Variants in AP1M1 observed in about 807,000 individuals in gnomAD.
AP1M1 encodes the protein AP-1 complex subunit mu-1.
Under a neutral mutation model 57.1 loss-of-function variants are expected in AP1M1, and 18 were observed. That is an observed-to-expected ratio of 0.32 (90% confidence interval 0.22 to 0.47). The LOEUF (loss-of-function observed/expected upper bound fraction) is 0.47, where lower values mean the gene tolerates loss of function less well. Ranked by LOEUF, AP1M1 falls within the 20% of genes least tolerant of loss-of-function variation. The pLI, the probability that AP1M1 is intolerant of heterozygous loss-of-function variation, is 1.00. For missense variants in AP1M1, 362 were observed against 593.5 expected, an observed-to-expected ratio of 0.61 and a Z score of 4.05; for synonymous variants, 241 against 237.9, an observed-to-expected ratio of 1.01 and a Z score of -0.12.
chr19:16,202,116 G>A (rs1286473740), intron 1 of AP1M1, among the ~76,000 whole-genome samples: 1 of 152,172 alleles, frequency 6.6e-6, no homozygotes, highest in Non-Finnish European at 1.5e-5. Context: ...CAGTTCCACA[G>A]GCCACGAAGC....
chr19:16,232,172 C>T (rs1208839987), intron 9 of AP1M1, among the ~76,000 whole-genome samples: 1 of 152,240 alleles, frequency 6.6e-6, no homozygotes, highest in Non-Finnish European at 1.5e-5. Context: ...GCACCTTTCT[C>T]CCTTGTGATG....
chr19:16,205,903 T>A (rs1405786863), intron 2 of AP1M1, among the ~76,000 whole-genome samples: 1 of 152,186 alleles, frequency 6.6e-6, no homozygotes, highest in Non-Finnish European at 1.5e-5. Context: ...GAAGCCAGAA[T>A]TGGCCCTGGC....
intron 5 of AP1M1, among the ~76,000 whole-genome samples, chr19:16,215,202 GGGGGGGGGGAGA>G (rs1443755951): frequency 2.0e-4 from 3 of 15,060 alleles, no homozygotes; most frequent in Non-Finnish European, 1.1e-3. Flanking sequence ...GGCGGGGGCG[GGGGGGGGGGAGA>G]GGGGGGAGGG....
At chr19:16,215,214 AG>A (rs1262651842) in intron 5 of AP1M1, among the ~76,000 whole-genome samples, 509 of 2,562 alleles carry the variant, frequency 0.2, 38 homozygotes, top group African/African-American at 0.34. Flanking sequence ...GGGGGGGGAG[AG>A]GGGGGAGGGG....
At chr19:16,231,979 C>T (rs1410338130) in intron 9 of AP1M1, among the ~76,000 whole-genome samples, 3 of 152,238 alleles carry the variant, frequency 2.0e-5, no homozygotes, top group Non-Finnish European at 2.9e-5. Flanking sequence ...CACTGTCCAC[C>T]TGGATGGAGA....
intron 5 of AP1M1, among the ~76,000 whole-genome samples, chr19:16,219,501 G>A (rs538538538): frequency 4.0e-5 from 6 of 151,300 alleles, no homozygotes; most frequent in African/African-American, 1.2e-4. Flanking sequence ...GGGTTCAAGC[G>A]ATTCTCCTGC....
chr19:16,202,035 C>G (rs1156266816), intron 1 of AP1M1, among the ~76,000 whole-genome samples: 1 of 152,114 alleles, frequency 6.6e-6, no homozygotes, highest in East Asian at 1.9e-4. Context: ...GAGGAAGGAC[C>G]TGGGGGGTCA....
At position 16,207,722 on chromosome 19, in the gene AP1M1, G is replaced by A. The variant is rs1313071583; in HGVS notation, c.268-297G>A. 2.6e-5 allele frequency among the ~76,000 whole-genome samples: 4 copies of A among 152,084 alleles called. No homozygotes were observed. Among genetic ancestry groups the A allele is most frequent in the African/African-American group, 7.2e-5 (3 of 41,406 alleles). ...TCAGAAAGGGATGACAGTTACAGTC[G>A]CTCAGGAGGGGCTGCCTGTCTGCGG... On this transcript the variant is annotated intron_variant, in intron 3 of 11. Coordinates refer to ENST00000291439, the MANE Select transcript of AP1M1 (RefSeq NM_032493.4). This position sits in a 1 kb window ranked among gnomAD's most constrained non-coding sequence, Gnocchi z 4.2.
rs1568350995 is a variant in AP1M1 at position 16,215,194 on chromosome 19, C to CAGGGGCGGGGGGGGGGG, written c.546+6017_546+6018insAGGGGCGGGGGGGGGGG. 1.6e-3 allele frequency among the ~76,000 whole-genome samples: 3 copies of CAGGGGCGGGGGGGGGGG among 1,922 alleles called. 1 individual carries two copies. Among genetic ancestry groups the CAGGGGCGGGGGGGGGGG allele is most frequent in the Admixed American group, 4.6e-3 (1 of 218 alleles). The allele number at this position is 1,922 out of a possible 152,430, so 1.3% of individuals were successfully genotyped here. On this transcript the variant is annotated intron_variant, in intron 5 of 11. Coordinates refer to ENST00000291439, the MANE Select transcript of AP1M1 (RefSeq NM_032493.4). ...ATCCCAGCACTTTGGGAGGCTAAGG[C>CAGGGGCGGGGGGGGGGG]GGGGGCGGGGGGGGGGGAGAGGGGG...
Position 16,203,734 on chromosome 19 carries a change from T to C in AP1M1, c.199+119T>C, listed in dbSNP as rs558866391. The C allele has an allele frequency of 1.1e-5, 12 of 1,117,088 alleles. No homozygotes were observed. Among genetic ancestry groups the C allele is most frequent in the Admixed American group, 7.8e-5 (3 of 38,698 alleles). 69.2% of individuals were successfully genotyped at this position (1,117,088 alleles called of 1,614,324 possible). On this transcript the variant is annotated intron_variant, in intron 2 of 11. Coordinates refer to ENST00000291439, the MANE Select transcript of AP1M1 (RefSeq NM_032493.4). The surrounding 1 kb of genome is among the most constrained non-coding windows in gnomAD (Gnocchi z 4.6). Reference sequence around the variant, plus strand: ...ACAGCGCAAGCATTGGACACAGCCATGCCCTCCTGGAGCTCCCTGCTGCCT... The same window carrying C: ...ACAGCGCAAGCATTGGACACAGCCACGCCCTCCTGGAGCTCCCTGCTGCCT...
At chr19:16,230,452 G>A (rs995180839) in intron 9 of AP1M1, among the ~76,000 whole-genome samples, 1 of 151,270 alleles carries the variant, frequency 6.6e-6, no homozygotes, top group Non-Finnish European at 1.5e-5. Flanking sequence ...CTAGGCTGGA[G>A]TGCAGTGGCA....
intron 2 of AP1M1, among the ~76,000 whole-genome samples, chr19:16,205,382 G>A (rs1161252835): frequency 6.6e-6 from 1 of 152,178 alleles, no homozygotes; most frequent in African/African-American, 2.4e-5. Flanking sequence ...CCATGAGAAG[G>A]TGAGAGGCCC....
chr19:16,233,464 C>T (rs1197008225), intron 9 of AP1M1, 29 bp from the exon 10 acceptor site: 2 of 1,570,402 alleles, frequency 1.3e-6, no homozygotes, highest in Non-Finnish European at 1.7e-6. Flanking sequence ...AGGGCCTAGG[C>T]CTGAGCGCCT....
At chr19:16,215,837 A>G (rs1027557655) in intron 5 of AP1M1, among the ~76,000 whole-genome samples, 123 of 152,022 alleles carry the variant, frequency 8.1e-4, no homozygotes, top group Non-Finnish European at 4.6e-4. Flanking sequence ...TTTTAATCCC[A>G]TATTTCTTGG....
At chr19:16,211,164 GCTCAGTGCAAC>G (rs1172122181) in intron 5 of AP1M1, among the ~76,000 whole-genome samples, 1 of 142,448 alleles carries the variant, frequency 7.0e-6, no homozygotes, top group African/African-American at 2.6e-5. Flanking sequence ...GGCATGCTTG[GCTCAGTGCAAC>G]CTCCACCTCC....
At chr19:16,220,529 T>G (rs968344858) in intron 5 of AP1M1, among the ~76,000 whole-genome samples, 1 of 152,088 alleles carries the variant, frequency 6.6e-6, no homozygotes, top group Non-Finnish European at 1.5e-5. Context: ...TAGTTGAGAT[T>G]ACAGGCATGT....
chr19:16,231,630 A>G (rs1381746251), intron 9 of AP1M1, among the ~76,000 whole-genome samples: 2 of 151,866 alleles, frequency 1.3e-5, no homozygotes, highest in Non-Finnish European at 2.9e-5. Context: ...GGGTTTCGCT[A>G]TTGTTGCTCA....
chr19:16,233,370 C>T lies in AP1M1; in HGVS notation c.1048-123C>T, dbSNP rs553930798. On this transcript the variant is annotated intron_variant, in intron 9 of 11. Transcript: ENST00000291439. ...GAGCTTTGGCTCCCCAGCACAGGGG[C>T]TCATGCTCCCCTCCCTGGACTGGGG... 7.4e-6 allele frequency: 10 copies of T among 1,343,338 alleles called. No homozygotes were observed. In the South Asian group the frequency reaches 1.4e-4, roughly 19 times the overall value. The allele number at this position is 1,343,338 out of a possible 1,614,324, so 83.2% of individuals were successfully genotyped here.
Position 16,234,667 on chromosome 19 carries a change from G to GA in AP1M1, c.*234dup. On this transcript the variant is annotated 3_prime_UTR_variant, in exon 12 of 12. Transcript: ENST00000291439. ...CAAGAAGTCTCGTTTCTTTGCCCCTGAAGTCAGTTTCAGGGGAAGGATGTG... is the reference window on the plus strand; with the variant it reads ...CAAGAAGTCTCGTTTCTTTGCCCCTGAAAGTCAGTTTCAGGGGAAGGATGTG... The GA allele has an allele frequency of 1.7e-6, 1 of 601,086 alleles. No individual in the cohort carries two copies. The highest frequency in any genetic ancestry group is 2.8e-5 in the East Asian group (1 of 36,118). 37.2% of individuals were successfully genotyped at this position (601,086 alleles called of 1,614,324 possible). A position where few individuals can be genotyped will look rare whatever the true frequency, so the allele number is the denominator to read the frequency against.
Sources: gnomAD v4.1 joint callset for allele counts (sites outside exome capture counted in the v4.1 genomes callset) on GRCh38, gnomAD v4.1.1 for gene constraint, Gnocchi (gnomAD v3.1) non-coding constraint, MANE v1.5 for transcripts, NCBI Gene and HGNC (gene_info 2026-07-23, HGNC 2026-07-21) for gene names.